ST3GAL5: variants seen among roughly 807,000 people sequenced by gnomAD.
ST3GAL5 encodes the protein ST3 beta-galactoside alpha-2,3-sialyltransferase 5, also known as lactosylceramide alpha-2,3-sialyltransferase.
Under a neutral mutation model 46.1 loss-of-function variants are expected in ST3GAL5, and 25 were observed. The ratio of observed to expected loss-of-function variants is 0.54; its 90% CI spans 0.40 to 0.76. The LOEUF (loss-of-function observed/expected upper bound fraction) is 0.76. ST3GAL5 is among the 30% of genes least tolerant of loss of function. The pLI is 0.00. For synonymous variants in ST3GAL5, 182 were observed against 192.7 expected (o/e 0.94, Z 0.46); for missense variants, 431 against 521.2 (o/e 0.83, Z 1.69).
chr2:85,844,788 A>G, intron 5 of ST3GAL5: 1 of 582,118 alleles, frequency 1.7e-6, no homozygotes, highest in Non-Finnish European at 3.1e-6. Flanking sequence ...GATGAATTGC[A>G]GAACCAGCTT....
intron 1 of ST3GAL5, among the ~76,000 whole-genome samples, chr2:85,882,548 T>C (rs889638727): frequency 6.6e-6 from 1 of 152,044 alleles, no homozygotes; most frequent in African/African-American, 2.4e-5. Context: ...ACTTTAAGAT[T>C]TGGGCCAGGT....
At chr2:85,867,703 C>T (rs1478246792) in intron 1 of ST3GAL5, 1 of 777,470 alleles carries the variant, frequency 1.3e-6, no homozygotes, top group Non-Finnish European at 2.4e-6. Flanking sequence ...TCTTAAATAC[C>T]ATACTGAAGG....
chr2:85,847,835 C>T (rs1340169726), intron 4 of ST3GAL5, 26 bp downstream of exon 4: 1 of 1,611,944 alleles, frequency 6.2e-7, no homozygotes, highest in South Asian at 1.1e-5. Flanking sequence ...AATAAGTAAA[C>T]AAACAAACAA....
At chr2:85,853,089 G>T (rs1683715344) in intron 3 of ST3GAL5, 2 of 1,303,838 alleles carry the variant, frequency 1.5e-6, no homozygotes, top group Non-Finnish European at 1.0e-6. Context: ...AGGGAGATAA[G>T]GTCTTTAGCT....
chr2:85,844,880 T>C, intron 5 of ST3GAL5: 1 of 392,488 alleles, frequency 2.5e-6, no homozygotes, highest in Non-Finnish European at 4.8e-6. Context: ...AGGTCCAATT[T>C]AAGGCTATTA....
Position 85,852,959 on chromosome 2 carries a change from C to T in ST3GAL5, c.319-4755G>A, listed in dbSNP as rs778743635. ...TGGTGCCTGGGCTCACTGAATGCTTCAGCAGGGAGGGCCCTGCTTCCTTTA... is the reference window on the plus strand; with the variant it reads ...TGGTGCCTGGGCTCACTGAATGCTTTAGCAGGGAGGGCCCTGCTTCCTTTA... On this transcript the variant is annotated intron_variant, in intron 3 of 6. Coordinates refer to ENST00000638572, the MANE Select transcript of ST3GAL5 (RefSeq NM_003896.4). 7 of 1,304,260 alleles carry T rather than the reference C, an allele frequency of 5.4e-6. No homozygotes were observed. The South Asian group carries it at 7.4e-5, about 14-fold the overall frequency. The allele number at this position is 1,304,260 out of a possible 1,614,324, so 80.8% of individuals were successfully genotyped here. A position where few individuals can be genotyped will look rare whatever the true frequency, so the allele number is the denominator to read the frequency against.
chr2:85,871,117 A>G (rs1289113614), intron 1 of ST3GAL5, among the ~76,000 whole-genome samples: 1 of 149,928 alleles, frequency 6.7e-6, no homozygotes, highest in African/African-American at 2.5e-5. Flanking sequence ...GGCTCACCGC[A>G]GCCTTGACCT....
rs1252140286 is a variant in ST3GAL5 at position 85,838,562 on chromosome 2, T to C, written c.*1582A>G. Reference sequence around the variant, plus strand: ...CTTATAGAGTAGGAAATAAAATTCATACAAAATTATCTGTAAAGACACAAA... The same window carrying C: ...CTTATAGAGTAGGAAATAAAATTCACACAAAATTATCTGTAAAGACACAAA... On this transcript the variant is annotated 3_prime_UTR_variant, in exon 7 of 7. Transcript: ENST00000638572. 2.0e-5 allele frequency: 3 copies of C among 152,176 alleles called. No homozygotes were observed. Among genetic ancestry groups the C allele is most frequent in the Non-Finnish European group, 2.9e-5 (2 of 68,026 alleles). The allele number at this position is 152,176 out of a possible 1,614,324, so 9.4% of individuals were successfully genotyped here. A position where few individuals can be genotyped will look rare whatever the true frequency, so the allele number is the denominator to read the frequency against.
intron 1 of ST3GAL5, among the ~76,000 whole-genome samples, chr2:85,881,644 G>A (rs192529298): frequency 6.6e-6 from 1 of 152,366 alleles, no homozygotes; most frequent in East Asian, 1.9e-4. Flanking sequence ...TTGAAGTTGA[G>A]AGAGATGATT....
intron 3 of ST3GAL5, chr2:85,851,337 T>A: frequency 8.5e-7 from 1 of 1,170,148 alleles, no homozygotes; most frequent in South Asian, 1.7e-5. Flanking sequence ...TTTCTACATG[T>A]CCTGGCAACG....
chr2:85,868,314 T>C (rs1685507555), intron 1 of ST3GAL5, among the ~76,000 whole-genome samples: 1 of 152,204 alleles, frequency 6.6e-6, no homozygotes, highest in African/African-American at 2.4e-5. Context: ...TTTTGCTTTT[T>C]GGTTTGAGAT....
chr2:85,837,182 T>A lies in ST3GAL5; in HGVS notation c.*2962A>T, dbSNP rs983714095. 6.6e-6 allele frequency: 1 copy of A among 152,208 alleles called. No individual in the cohort carries two copies. Among genetic ancestry groups the A allele is most frequent in the African/African-American group, 2.4e-5 (1 of 41,440 alleles). The allele number at this position is 152,208 out of a possible 1,614,324, so 9.4% of individuals were successfully genotyped here. A position where few individuals can be genotyped will look rare whatever the true frequency, so the allele number is the denominator to read the frequency against. On this transcript the variant is annotated 3_prime_UTR_variant, in exon 7 of 7. Coordinates refer to ENST00000638572, the MANE Select transcript of ST3GAL5 (RefSeq NM_003896.4). ...CTATTCACATAGCCAAAACATGAAA[T>A]CAACCTAAGTGTCCATCAATGGGTG...
Position 85,846,290 on chromosome 2 carries a change from G to A in ST3GAL5, c.849+87C>T, listed in dbSNP as rs1682788628. 7 of 1,251,576 alleles carry A rather than the reference G, an allele frequency of 5.6e-6. No homozygotes were observed. The South Asian group carries it at 8.8e-5, about 16-fold the overall frequency. 77.5% of individuals were successfully genotyped at this position (1,251,576 alleles called of 1,614,324 possible). On this transcript the variant is annotated intron_variant, in intron 5 of 6. Transcript: ENST00000638572. ...CATAAGTATGCATTCCGCTCTGCGT[G>A]TTTAAAAATAAAAGGCTATAATTAC...
intron 1 of ST3GAL5, chr2:85,870,352 T>G (rs747329932): frequency 8.1e-5 from 35 of 434,468 alleles, no homozygotes; most frequent in African/African-American, 1.4e-4. Context: ...ATGGTGGTTA[T>G]AGGCCTTCCT....
intron 1 of ST3GAL5, among the ~76,000 whole-genome samples, chr2:85,884,823 T>C (rs1286410153): frequency 6.6e-6 from 1 of 152,182 alleles, no homozygotes; most frequent in African/African-American, 2.4e-5. Context: ...TCAATACACA[T>C]AAGCTCTGAA....
intron 1 of ST3GAL5, among the ~76,000 whole-genome samples, chr2:85,883,088 C>T (rs950160211): frequency 2.6e-5 from 4 of 151,978 alleles, no homozygotes; most frequent in Admixed American, 1.3e-4. Context: ...TGAGAAGGCA[C>T]GATTGGTTTT....
At chr2:85,842,615 T>C (rs1682272113) in intron 6 of ST3GAL5, among the ~76,000 whole-genome samples, 1 of 152,206 alleles carries the variant, frequency 6.6e-6, no homozygotes. Flanking sequence ...AGGAAAATAT[T>C]CAGTTCAACT....
intron 3 of ST3GAL5, chr2:85,852,950 T>C (rs954620201): frequency 7.7e-7 from 1 of 1,304,250 alleles, no homozygotes; most frequent in Non-Finnish European, 1.0e-6. Context: ...CTGGGCTCAC[T>C]GAATGCTTCA....
intron 2 of ST3GAL5, among the ~76,000 whole-genome samples, chr2:85,862,205 A>T (rs765663255): frequency 5.9e-5 from 9 of 152,128 alleles, no homozygotes; most frequent in Admixed American, 1.3e-4. Flanking sequence ...ACAAGTTGGG[A>T]TTATGTATAA....
Sources: allele counts gnomAD v4.1 joint callset (sites outside exome capture counted in the v4.1 genomes callset), GRCh38; gene constraint gnomAD v4.1.1; transcripts MANE v1.5; gene names NCBI Gene and HGNC (gene_info 2026-07-23, HGNC 2026-07-21).